The following DAP variants were observed in gnomAD, a reference collection of about 807,000 sequenced individuals.
DAP encodes the protein death associated protein, also known as death-associated protein 1.
A neutral mutation model predicts 13.8 loss-of-function variants in DAP; 8 were observed. The observed-to-expected ratio is 0.58, with a 90% CI of 0.34 to 1.05. The LOEUF is 1.05. Among genes scored for constraint, DAP ranks in the 50% least tolerant of loss-of-function variants. The pLI is 0.03. For missense variants in DAP, 106 were observed against 133.2 expected (o/e 0.80, Z 1.01); for synonymous variants, 47 against 47.5 (o/e 0.99, Z 0.04).
intron 2 of DAP, among the ~76,000 whole-genome samples, chr5:10,716,995 A>T (rs1361952684): frequency 6.6e-6 from 1 of 152,216 alleles, no homozygotes; most frequent in African/African-American, 2.4e-5. Context: ...TCCTAGGCGG[A>T]AACTGTTTAG....
chr5:10,695,730 C>A (rs914004788), intron 2 of DAP, among the ~76,000 whole-genome samples: 1 of 152,200 alleles, frequency 6.6e-6, no homozygotes, highest in Admixed American at 6.5e-5. Flanking sequence ...ACCTGTTCTT[C>A]TGGGTCTGGG....
intron 2 of DAP, among the ~76,000 whole-genome samples, chr5:10,694,173 G>T (rs1246080732): frequency 6.6e-6 from 1 of 152,258 alleles, no homozygotes; most frequent in African/African-American, 2.4e-5. Context: ...CAGCCGACAG[G>T]GCCAGAGACG....
chr5:10,711,063 G>A (rs1190523308), intron 2 of DAP, among the ~76,000 whole-genome samples: 2 of 152,224 alleles, frequency 1.3e-5, no homozygotes, highest in Non-Finnish European at 2.9e-5. Context: ...AAACATCAGT[G>A]AATCTAAGAC....
At chr5:10,729,532 A>C (rs1739383291) in intron 2 of DAP, among the ~76,000 whole-genome samples, 1 of 152,246 alleles carries the variant, frequency 6.6e-6, no homozygotes. Context: ...TTTATTCCTG[A>C]CTTAGATAAA....
At chr5:10,686,211 CCT>C (rs1738151362) in intron 2 of DAP, among the ~76,000 whole-genome samples, 1 of 152,182 alleles carries the variant, frequency 6.6e-6, no homozygotes, top group South Asian at 2.1e-4. Flanking sequence ...CCAGCCATTC[CCT>C]GTCTCTCTCC....
chr5:10,752,402 CTCT>C (rs1299059540), intron 1 of DAP, among the ~76,000 whole-genome samples: 1 of 152,216 alleles, frequency 6.6e-6, no homozygotes, highest in Non-Finnish European at 1.5e-5. Context: ...GTCTCTAGAA[CTCT>C]TCATTTGTAA....
chr5:10,736,364 A>G (rs1270081549), intron 2 of DAP, among the ~76,000 whole-genome samples: 1 of 152,180 alleles, frequency 6.6e-6, no homozygotes, highest in Non-Finnish European at 1.5e-5. Context: ...ACCTGGGTGG[A>G]GATGAGAATG....
intron 2 of DAP, among the ~76,000 whole-genome samples, chr5:10,709,490 C>T (rs1424494505): frequency 3.9e-5 from 6 of 152,224 alleles, no homozygotes; most frequent in African/African-American, 1.4e-4. Context: ...TCAATTCCAA[C>T]CTCATTGCTT....
intron 2 of DAP, among the ~76,000 whole-genome samples, chr5:10,732,710 T>C (rs1287344727): frequency 6.6e-6 from 1 of 152,232 alleles, no homozygotes; most frequent in Non-Finnish European, 1.5e-5. Flanking sequence ...CCAGGTCACA[T>C]GGAAATGCTG....
At chr5:10,731,036 G>C (rs534194919) in intron 2 of DAP, among the ~76,000 whole-genome samples, 592 of 40,994 alleles carry the variant, frequency 0.014, 96 homozygotes, top group African/African-American at 0.031. Flanking sequence ...GAGCCCTGGT[G>C]GAGGGAATCT....
intron 3 of DAP, 55 bp downstream of exon 3, chr5:10,683,474 A>G (rs1042703114): frequency 5.9e-6 from 9 of 1,532,282 alleles, no homozygotes; most frequent in Admixed American, 1.7e-5. Flanking sequence ...CAACCAGGAG[A>G]CTCCATGCTG....
In DAP at chr5:10,680,735, C is replaced by A; in HGVS notation, c.*321G>T. 6.5e-7 allele frequency: 1 copy of A among 1,536,212 alleles called. No homozygotes were observed. The highest frequency in any genetic ancestry group is 8.7e-7 in the Non-Finnish European group (1 of 1,146,852). ...AATGTGTGCCTTCTTGTTTTTAAGA[C>A]CATAGACAAGGACGTCAGGTGACTG... On this transcript the variant is annotated 3_prime_UTR_variant, in exon 4 of 4. Transcript: ENST00000230895.
intron 2 of DAP, among the ~76,000 whole-genome samples, chr5:10,708,440 C>CAG (rs1430341592): frequency 2.2e-5 from 2 of 92,966 alleles, no homozygotes; most frequent in Admixed American, 2.2e-4. Context: ...ATACACATAT[C>CAG]AGACACACAC....
chr5:10,732,590 T>C (rs1184479955), intron 2 of DAP, among the ~76,000 whole-genome samples: 1 of 152,224 alleles, frequency 6.6e-6, no homozygotes, highest in African/African-American at 2.4e-5. Flanking sequence ...ATTTGGGCTG[T>C]TTCAATTTTT....
chr5:10,708,993 A>G (rs1579797638), intron 2 of DAP, among the ~76,000 whole-genome samples: 1 of 152,262 alleles, frequency 6.6e-6, no homozygotes, highest in East Asian at 1.9e-4. Context: ...AAGACCCTCA[A>G]TCTACAAATA....
intron 2 of DAP, among the ~76,000 whole-genome samples, chr5:10,710,233 ATAAGGAAGCCTTCACAGCC>A (rs5745243): frequency 0.014 from 2,181 of 152,328 alleles, 53 homozygotes; most frequent in African/African-American, 0.05. Flanking sequence ...GCCAGGGGCC[ATAAGGAAGCCTTCACAGCC>A]TCAATCACAC....
intron 2 of DAP, among the ~76,000 whole-genome samples, chr5:10,739,590 G>GTA (rs927447516): frequency 1.3e-5 from 2 of 152,112 alleles, no homozygotes; most frequent in African/African-American, 2.4e-5. Context: ...ACAAGGCTCA[G>GTA]CACACACACA....
intron 2 of DAP, among the ~76,000 whole-genome samples, chr5:10,726,010 A>C (rs1474468862): frequency 6.6e-6 from 1 of 152,220 alleles, no homozygotes; most frequent in Non-Finnish European, 1.5e-5. Flanking sequence ...TGAATTGCTT[A>C]AGTCATACTG....
In DAP at chr5:10,759,744, C is replaced by CTTTTTT. The variant is rs1169454640; in HGVS notation, c.55+1264_55+1269dup. ...GACAGCAGAGAAGGATAATGGGAAT[C>CTTTTTT]TTTTTTTTTTTTTTTTTTTTTTTTG... On this transcript the variant is annotated intron_variant, in intron 1 of 3. Transcript: ENST00000230895. 4.6e-4 allele frequency among the ~76,000 whole-genome samples: 41 copies of CTTTTTT among 88,222 alleles called. 2 individuals are homozygous for CTTTTTT. The highest frequency in any genetic ancestry group is 1.3e-3 in the Admixed American group (8 of 6,200). 57.9% of individuals were successfully genotyped at this position (88,222 alleles called of 152,430 possible). A position where few individuals can be genotyped will look rare whatever the true frequency, so the allele number is the denominator to read the frequency against.
Sources: allele counts gnomAD v4.1 joint callset (sites outside exome capture counted in the v4.1 genomes callset), GRCh38; gene constraint gnomAD v4.1.1; transcripts MANE v1.5; gene names NCBI Gene and HGNC (gene_info 2026-07-23, HGNC 2026-07-21).